CHRNA7: variants seen among roughly 807,000 people sequenced by gnomAD.
CHRNA7 encodes the protein neuronal acetylcholine receptor subunit alpha-7.
Under a neutral mutation model 48.0 loss-of-function variants are expected in CHRNA7, and 17 were observed. The observed-to-expected ratio is 0.35, with a 90% CI of 0.24 to 0.53. The LOEUF is 0.53. CHRNA7 is among the 20% of genes least tolerant of loss of function. The probability of loss-of-function intolerance (pLI) is 0.92; values close to 1 mark genes in which losing one functional copy is unlikely to be tolerated. For synonymous variants in CHRNA7, 75 were observed against 242.3 expected, an observed-to-expected ratio of 0.31 and a Z score of 6.41; for missense variants, 155 against 577.7, an observed-to-expected ratio of 0.27 and a Z score of 7.50.
intron 2 of CHRNA7, among the ~76,000 whole-genome samples, chr15:32,083,881 A>G (rs1014782295): frequency 6.6e-6 from 1 of 152,214 alleles, no homozygotes; most frequent in South Asian, 2.1e-4. Flanking sequence ...GCCTCATGTC[A>G]GGAGTCACTT....
At chr15:32,127,996 T>C (rs2051097492) in intron 4 of CHRNA7, among the ~76,000 whole-genome samples, 4 of 152,064 alleles carry the variant, frequency 2.6e-5, no homozygotes, top group Admixed American at 6.5e-5. Context: ...TGGTATGATA[T>C]CTGAGATTTA....
intron 4 of CHRNA7, among the ~76,000 whole-genome samples, chr15:32,135,043 C>T (rs1189701058): frequency 1.3e-5 from 2 of 152,184 alleles, no homozygotes; most frequent in Non-Finnish European, 2.9e-5. Flanking sequence ...CTGAGGAAAG[C>T]GCTGTGATTA....
At chr15:32,120,339 T>G (rs951278712) in intron 4 of CHRNA7, among the ~76,000 whole-genome samples, 4 of 152,156 alleles carry the variant, frequency 2.6e-5, no homozygotes, top group African/African-American at 9.7e-5. Context: ...CTTTCGCACC[T>G]GCTCTGGGCT....
At chr15:32,065,826 G>A (rs1048280432) in intron 2 of CHRNA7, among the ~76,000 whole-genome samples, 1 of 148,052 alleles carries the variant, frequency 6.8e-6, no homozygotes, top group East Asian at 2.0e-4. Context: ...ACAGCACACA[G>A]ACATAGCCCA....
chr15:32,108,660 C>T (rs1177606908), intron 3 of CHRNA7, among the ~76,000 whole-genome samples: 2 of 152,170 alleles, frequency 1.3e-5, no homozygotes, highest in East Asian at 1.9e-4. Context: ...TGCATGTTGG[C>T]ACTCAGTCTT....
intron 4 of CHRNA7, among the ~76,000 whole-genome samples, chr15:32,132,659 A>G (rs74806594): frequency 6.6e-6 from 1 of 152,088 alleles, no homozygotes; most frequent in Non-Finnish European, 1.5e-5. Context: ...GGCAGAGAGA[A>G]AGAGAGAGGG....
chr15:32,106,496 ATC>A (rs768814984), intron 3 of CHRNA7, among the ~76,000 whole-genome samples: 2 of 152,184 alleles, frequency 1.3e-5, no homozygotes, highest in Non-Finnish European at 2.9e-5. Flanking sequence ...AAGAGGCTTC[ATC>A]TCTCTGTTCA....
At chr15:32,064,265 T>C (rs1595403319) in intron 2 of CHRNA7, among the ~76,000 whole-genome samples, 1 of 152,144 alleles carries the variant, frequency 6.6e-6, no homozygotes, top group East Asian at 1.9e-4. Flanking sequence ...CCCTTCCCCT[T>C]CTTCTTTCTT....
At chr15:32,156,295 G>A (rs2051737524) in intron 5 of CHRNA7, 1 of 91,746 alleles carries the variant, frequency 1.1e-5, no homozygotes, top group Non-Finnish European at 2.2e-5. Flanking sequence ...ATTAATGGAG[G>A]GGGATTGTCT....
chr15:32,077,563 T>C (rs775781044), intron 2 of CHRNA7, among the ~76,000 whole-genome samples: 8 of 152,190 alleles, frequency 5.3e-5, no homozygotes, highest in Non-Finnish European at 1.0e-4. Context: ...GTGGAACATA[T>C]TTTCATATGT....
chr15:32,127,364 C>T (rs575533100), intron 4 of CHRNA7, among the ~76,000 whole-genome samples: 1 of 152,286 alleles, frequency 6.6e-6, no homozygotes, highest in South Asian at 2.1e-4. Context: ...GTATAATAAG[C>T]AGATGCTTCA....
chr15:32,049,006 C>A (rs2049611886), intron 2 of CHRNA7, among the ~76,000 whole-genome samples: 1 of 126,344 alleles, frequency 7.9e-6, no homozygotes, highest in African/African-American at 3.6e-5. Context: ...ATCCTGAGTT[C>A]TAGTTTGATT....
At chr15:32,094,522 G>A (rs1003068586) in intron 2 of CHRNA7, among the ~76,000 whole-genome samples, 1 of 152,156 alleles carries the variant, frequency 6.6e-6, no homozygotes, top group African/African-American at 2.4e-5. Flanking sequence ...CCTAAAAATA[G>A]GCAGCCGCAG....
chr15:32,088,625 C>T (rs148741147), intron 2 of CHRNA7, among the ~76,000 whole-genome samples: 5 of 152,196 alleles, frequency 3.3e-5, no homozygotes, highest in African/African-American at 7.2e-5. Flanking sequence ...TTAGCCTATC[C>T]GATAGGTATA....
rs780650082 is a variant in CHRNA7, at chr15:32,030,581, C to G, written c.-14C>G. The G allele has an allele frequency of 6.6e-7, 1 of 1,521,306 alleles. No individual in the cohort carries two copies. Among genetic ancestry groups the G allele is most frequent in the South Asian group, 1.2e-5 (1 of 82,084 alleles). The allele number at this position is 1,521,306 out of a possible 1,614,324, so 94.2% of individuals were successfully genotyped here. On this transcript the variant is annotated 5_prime_UTR_variant, in exon 1 of 10. Coordinates refer to ENST00000306901, the MANE Select transcript of CHRNA7 (RefSeq NM_000746.6). ...CGTGGAGCGCGCCGGCTCGCTGCAGCTCCGGGACTCAACATGCGCTGCTCG... is the reference window on the plus strand; with the variant it reads ...CGTGGAGCGCGCCGGCTCGCTGCAGGTCCGGGACTCAACATGCGCTGCTCG...
intron 4 of CHRNA7, among the ~76,000 whole-genome samples, chr15:32,127,728 GT>G (rs1489960603): frequency 2.0e-5 from 3 of 151,946 alleles, no homozygotes; most frequent in Non-Finnish European, 4.4e-5. Context: ...TCAGATATGT[GT>G]TTTGAAAATA....
chr15:32,120,961 C>T (rs963883861), intron 4 of CHRNA7, among the ~76,000 whole-genome samples: 2 of 152,052 alleles, frequency 1.3e-5, no homozygotes, highest in Non-Finnish European at 2.9e-5. Context: ...CAGGGTCCGC[C>T]GCCACCCCGC....
At chr15:32,140,611 T>A (rs2051361175) in intron 4 of CHRNA7, among the ~76,000 whole-genome samples, 1 of 152,230 alleles carries the variant, frequency 6.6e-6, no homozygotes, top group Admixed American at 6.5e-5. Context: ...ATGATTGCCA[T>A]TCTAACTGGT....
At chr15:32,107,420 A>G (rs888049467) in intron 3 of CHRNA7, among the ~76,000 whole-genome samples, 1 of 151,008 alleles carries the variant, frequency 6.6e-6, no homozygotes, top group Non-Finnish European at 1.5e-5. Flanking sequence ...ACTTAATAAA[A>G]TTTTAAATAA....
Sources: allele counts gnomAD v4.1 joint callset (sites outside exome capture counted in the v4.1 genomes callset), GRCh38; gene constraint gnomAD v4.1.1; transcripts MANE v1.5; gene names NCBI Gene and HGNC (gene_info 2026-07-23, HGNC 2026-07-21).